Variants in RIPOR2 observed in about 807,000 individuals in gnomAD.
The protein encoded by RIPOR2 is RHO family interacting cell polarization regulator 2, also known as rho family-interacting cell polarization regulator 2.
RIPOR2 carries 39 observed loss-of-function variants against 114.5 expected under a neutral mutation model. The ratio of observed to expected loss-of-function variants is 0.34; its 90% confidence interval spans 0.26 to 0.44. RIPOR2 has a LOEUF of 0.44. RIPOR2 is among the 20% of genes least tolerant of loss of function. RIPOR2 has a pLI of 1.00. For synonymous variants in RIPOR2, 445 were observed against 484.4 expected (o/e 0.92, Z 1.07); for missense variants, 1,007 against 1,255.1 (o/e 0.80, Z 2.99).
At chr6:24,921,321 C>A (rs1010560387) in intron 1 of RIPOR2, among the ~76,000 whole-genome samples, 1 of 151,470 alleles carries the variant, frequency 6.6e-6, no homozygotes, top group Non-Finnish European at 1.5e-5. Flanking sequence ...TGCCACCACA[C>A]CCAGCTATTT....
At chr6:25,001,400 G>A (rs1264339987) in intron 1 of RIPOR2, among the ~76,000 whole-genome samples, 3 of 151,916 alleles carry the variant, frequency 2.0e-5, no homozygotes, top group Non-Finnish European at 4.4e-5. Flanking sequence ...TGAGGTGAGC[G>A]GATCACGAGG....
intron 1 of RIPOR2, among the ~76,000 whole-genome samples, chr6:24,890,389 A>G (rs1767238065): frequency 6.6e-6 from 1 of 152,232 alleles, no homozygotes; most frequent in Admixed American, 6.5e-5. Context: ...TAAGTGAAAC[A>G]ACTCAGACAC....
intron 13 of RIPOR2, among the ~76,000 whole-genome samples, chr6:24,841,598 A>G (rs1469202558): frequency 6.9e-6 from 1 of 145,778 alleles, no homozygotes. Context: ...GGCAGGCTAC[A>G]TATAAAAACA....
rs754206498 is a variant in RIPOR2, at chr6:24,873,683, C to A, written c.305G>T (p.Arg102Met). ...CAAGGCCCTGTAGACTTCTTCCACC[C>A]TTTTAGGCTGAGGCTCTTTGGGGGG... Reference protein sequence around the residue: ...NNPPKEPQPKRVEEVYRALKN... With the variant: ...NNPPKEPQPKMVEEVYRALKN... The change falls in exon 3 of 22, where the codon AGG becomes ATG. Residue 102 changes from arginine to methionine, a missense_variant. Coordinates refer to ENST00000643898, the MANE Select transcript of RIPOR2 (RefSeq NM_001286445.3). 1.2e-5 allele frequency: 20 copies of A among 1,613,722 alleles called. No individual in the cohort carries two copies. Among genetic ancestry groups the A allele is most frequent in the East Asian group, 6.7e-5 (3 of 44,890 alleles).
In RIPOR2 at chr6:24,806,228, C is replaced by T. The variant is rs1490514675; in HGVS notation, c.*145G>A. The T allele has an allele frequency of 1.7e-5, 11 of 666,088 alleles. No individual in the cohort carries two copies. The highest frequency in any genetic ancestry group is 2.1e-5 in the Non-Finnish European group (8 of 382,040). The allele number at this position is 666,088 out of a possible 1,614,324, so 41.3% of individuals were successfully genotyped here. A position where few individuals can be genotyped will look rare whatever the true frequency, so the allele number is the denominator to read the frequency against. On this transcript the variant is annotated 3_prime_UTR_variant, in exon 22 of 22. Transcript: ENST00000643898. ...TTGGCCTCCCAAAGTACTGGGATTA[C>T]AGGCATGAGCCACTGCACCTGGCCT...
intron 16 of RIPOR2, among the ~76,000 whole-genome samples, chr6:24,831,044 C>T (rs114556641): frequency 0.028 from 4,306 of 152,064 alleles, 201 homozygotes; most frequent in African/African-American, 0.091. Flanking sequence ...CAGATGAAGA[C>T]GTGTTGGGGA....
At chr6:24,980,140 C>T (rs1774228591) in intron 1 of RIPOR2, among the ~76,000 whole-genome samples, 1 of 152,208 alleles carries the variant, frequency 6.6e-6, no homozygotes, top group African/African-American at 2.4e-5. Context: ...TCCAAGTTTT[C>T]TCTGCCATTC....
rs538661344 is a variant in RIPOR2 at position 24,896,106 on chromosome 6, T to C, written c.62-20289A>G. ...ATTGGAACTTGTTGTCATCTGTTCCTGTGTTTTCCAATAGTTTCACTAACA... is the reference window on the plus strand; with the variant it reads ...ATTGGAACTTGTTGTCATCTGTTCCCGTGTTTTCCAATAGTTTCACTAACA... On this transcript the variant is annotated intron_variant, in intron 1 of 21. Coordinates refer to ENST00000643898, the MANE Select transcript of RIPOR2 (RefSeq NM_001286445.3). Among the ~76,000 whole-genome samples the C allele has an allele frequency of 6.2e-4, 95 of 152,378 alleles. 1 individual carries two copies. The highest frequency in any genetic ancestry group is 3.2e-3 in the Admixed American group (49 of 15,308).
rs57294288 is a variant in RIPOR2 at position 24,817,978 on chromosome 6, C to CTTTTTTTTTTT, written c.2952+563_2952+564insAAAAAAAAAAA. ...ATACTTTCCTTTTCTCTCTCTCTCT[C>CTTTTTTTTTTT]TTTTTTTTTGAGACAGAGTCTGGCT... is the stretch of plus-strand genomic sequence containing the variant. On this transcript the variant is annotated intron_variant, in intron 20 of 21. Coordinates refer to ENST00000643898, the MANE Select transcript of RIPOR2 (RefSeq NM_001286445.3). Among the ~76,000 whole-genome samples, 2 of 118,366 alleles carry CTTTTTTTTTTT rather than the reference C, an allele frequency of 1.7e-5. 1 individual carries two copies. The highest frequency in any genetic ancestry group is 3.4e-5 in the Non-Finnish European group (2 of 59,054). The allele number at this position is 118,366 out of a possible 152,430, so 77.7% of individuals were successfully genotyped here.
At chr6:24,902,953 T>C (rs904475381) in intron 1 of RIPOR2, among the ~76,000 whole-genome samples, 9 of 152,188 alleles carry the variant, frequency 5.9e-5, no homozygotes, top group African/African-American at 1.7e-4. Context: ...TAAACCAATC[T>C]AGTTATTTAT....
chr6:25,003,497 T>C (rs1775412493), intron 1 of RIPOR2, among the ~76,000 whole-genome samples: 1 of 151,914 alleles, frequency 6.6e-6, no homozygotes, highest in Admixed American at 6.6e-5. Context: ...GGCGCAGTCA[T>C]GGCTCAGTGT....
At chr6:24,820,212 T>C (rs553259553) in intron 19 of RIPOR2, among the ~76,000 whole-genome samples, 1 of 152,146 alleles carries the variant, frequency 6.6e-6, no homozygotes, top group Admixed American at 6.5e-5. Context: ...TTTGTATTTT[T>C]AGTAGAGACA....
chr6:24,900,774 A>G (rs1322400582), intron 1 of RIPOR2, among the ~76,000 whole-genome samples: 1 of 152,160 alleles, frequency 6.6e-6, no homozygotes, highest in Non-Finnish European at 1.5e-5. Flanking sequence ...TCAATATGCA[A>G]TATGAAATAT....
chr6:25,025,009 C>T (rs1382448311), intron 1 of RIPOR2, among the ~76,000 whole-genome samples: 1 of 152,136 alleles, frequency 6.6e-6, no homozygotes, highest in Non-Finnish European at 1.5e-5. Context: ...GGTTGGATGT[C>T]GATGGGTGAG....
chr6:24,910,738 G>A, intron 1 of RIPOR2: 1 of 838,830 alleles, frequency 1.2e-6, no homozygotes, highest in Non-Finnish European at 1.4e-6. Context: ...TCAAGTCGAG[G>A]ACACCCCTCC....
chr6:24,978,903 T>C (rs1188373631), intron 1 of RIPOR2, among the ~76,000 whole-genome samples: 1 of 152,176 alleles, frequency 6.6e-6, no homozygotes, highest in Non-Finnish European at 1.5e-5. Flanking sequence ...GGCCAAGATG[T>C]GAAAAGGTCC....
upstream of RIPOR2, chr6:24,935,987 G>T: frequency 9.7e-7 from 1 of 1,027,992 alleles, no homozygotes; most frequent in Non-Finnish European, 1.5e-6. Flanking sequence ...TCCTTTCCTT[G>T]GGTTGCCCAA....
At chr6:24,980,262 ATTACAAAGCAATAATGTGC>A (rs979172538) in intron 1 of RIPOR2, among the ~76,000 whole-genome samples, 1 of 152,222 alleles carries the variant, frequency 6.6e-6, no homozygotes, top group African/African-American at 2.4e-5. Flanking sequence ...AGATTCAGAA[ATTACAAAGCAATAATGTGC>A]TTCCCGATTT....
chr6:24,848,045 A>C lies in RIPOR2; in HGVS notation c.1144T>G (p.Phe382Val). 1 of 1,613,982 alleles carries C rather than the reference A, an allele frequency of 6.2e-7. No individual in the cohort carries two copies. Among genetic ancestry groups the C allele is most frequent in the Non-Finnish European group, 8.5e-7 (1 of 1,179,864 alleles). ...YSQGTPETPT[F>V]KDHSFFSNLP... ...CTTACAAAGAAGGAGTGGTCTTTGAAGGTGGGCGTTTCCGGGGTACCCTGG... is the reference window on the plus strand; with the variant it reads ...CTTACAAAGAAGGAGTGGTCTTTGACGGTGGGCGTTTCCGGGGTACCCTGG... The change falls in exon 12 of 22, where the codon TTC (phenylalanine) becomes GTC (valine). Residue 382 changes from phenylalanine (F) to valine (V), a missense_variant. Physicochemically the swap from Phe to Val is conservative, Grantham distance 50. Coordinates refer to ENST00000643898, the MANE Select transcript of RIPOR2 (RefSeq NM_001286445.3).
Sources: gnomAD v4.1 joint callset for allele counts (sites outside exome capture counted in the v4.1 genomes callset) on GRCh38, gnomAD v4.1.1 for gene constraint, MANE v1.5 for transcripts, NCBI Gene and HGNC (gene_info 2026-07-23, HGNC 2026-07-21) for gene names.